GRIK4: variants seen among roughly 807,000 people sequenced by gnomAD.
The protein encoded by GRIK4 is glutamate receptor ionotropic, kainate 4.
A neutral mutation model predicts 104.9 loss-of-function variants in GRIK4; 40 were observed. The observed-to-expected ratio is 0.38, with a 90% CI of 0.30 to 0.50. GRIK4 has a LOEUF of 0.50. Among genes scored for constraint, GRIK4 ranks in the 20% least tolerant of loss-of-function variants. GRIK4 has a pLI of 0.93. For missense variants in GRIK4, 1,047 were observed against 1,308.1 expected, an observed-to-expected ratio of 0.80 and a Z score of 3.08; for synonymous variants, 485 against 524.9, an observed-to-expected ratio of 0.92 and a Z score of 1.04.
intron 3 of GRIK4, among the ~76,000 whole-genome samples, chr11:120,737,762 G>C (rs1490912921): frequency 6.6e-6 from 1 of 152,084 alleles, no homozygotes; most frequent in Non-Finnish European, 1.5e-5. Flanking sequence ...TTGGAGAGGA[G>C]GTAGAGGCTA....
intron 3 of GRIK4, among the ~76,000 whole-genome samples, chr11:120,699,695 C>G (rs12293393): frequency 0.12 from 17,594 of 152,112 alleles, 1,104 homozygotes; most frequent in South Asian, 0.2. Context: ...GAAAACCTCT[C>G]TGAGAAAGTG....
intron 3 of GRIK4, among the ~76,000 whole-genome samples, chr11:120,662,864 A>G (rs1949841947): frequency 6.6e-6 from 1 of 152,118 alleles, no homozygotes; most frequent in Non-Finnish European, 1.5e-5. Context: ...TCTGCTGGTG[A>G]CAATATGGAT....
rs145378981 is a variant in GRIK4 at position 120,923,885 on chromosome 11, C to T, written c.1477-16462C>T. The stretch of plus-strand genomic sequence containing the variant: ...CTCTGATGGCTCTCTGGCCTAGTGT[C>T]AGATTCTGGTGGGTAGTTCATCCAC... On this transcript the variant is annotated intron_variant, in intron 13 of 20. Coordinates refer to ENST00000527524, the MANE Select transcript of GRIK4 (RefSeq NM_014619.5). 3.6e-3 allele frequency among the ~76,000 whole-genome samples: 545 copies of T among 152,292 alleles called. 4 individuals are homozygous for T. The highest frequency in any genetic ancestry group is 0.013 in the African/African-American group (528 of 41,566).
intron 8 of GRIK4, 137 bp downstream of exon 8, chr11:120,836,981 C>A: frequency 1.6e-6 from 1 of 611,996 alleles, no homozygotes; most frequent in Non-Finnish European, 2.9e-6. Context: ...ACCAGAGAGG[C>A]AGGGCGTCCT....
At chr11:120,663,253 T>C (rs1320717) in intron 3 of GRIK4, among the ~76,000 whole-genome samples, 8,819 of 152,226 alleles carry the variant, frequency 0.058, 874 homozygotes, top group African/African-American at 0.2. Flanking sequence ...TTGTCATTCT[T>C]AGATCCGGAA....
intron 3 of GRIK4, among the ~76,000 whole-genome samples, chr11:120,791,741 A>T (rs1238452975): frequency 2.0e-5 from 3 of 151,910 alleles, no homozygotes; most frequent in Non-Finnish European, 2.9e-5. Context: ...TCTATGGTCC[A>T]TTTTTTTTGT....
intron 1 of GRIK4, among the ~76,000 whole-genome samples, chr11:120,527,378 C>T (rs536594613): frequency 3.8e-4 from 58 of 152,304 alleles, no homozygotes; most frequent in African/African-American, 1.3e-3. Flanking sequence ...GGTGGGGACC[C>T]CGGAGCAGAT....
At chr11:120,584,390 G>A (rs1364565978) in intron 1 of GRIK4, among the ~76,000 whole-genome samples, 1 of 152,196 alleles carries the variant, frequency 6.6e-6, no homozygotes, top group Non-Finnish European at 1.5e-5. Context: ...TTTACAGGAA[G>A]CATGGTGCTG....
intron 1 of GRIK4, among the ~76,000 whole-genome samples, chr11:120,519,222 A>C (rs1319315026): frequency 6.6e-6 from 1 of 152,228 alleles, no homozygotes; most frequent in East Asian, 1.9e-4. Context: ...TACAATGCAA[A>C]GTACTTTCCA....
chr11:120,962,350 G>A (rs950888675), intron 17 of GRIK4, 106 bp from the exon 18 acceptor site: 9 of 688,832 alleles, frequency 1.3e-5, no homozygotes, highest in East Asian at 2.7e-5. Context: ...AGCGGGTGGA[G>A]AAGCAGAAGG....
At position 120,967,357 on chromosome 11, in the gene GRIK4, T is replaced by C. The variant is rs964739051; in HGVS notation, c.2395+34T>C. 1 of 1,586,570 alleles carries C rather than the reference T, an allele frequency of 6.3e-7. No homozygotes were observed. The highest frequency in any genetic ancestry group is 8.6e-7 in the Non-Finnish European group (1 of 1,166,440). The stretch of plus-strand genomic sequence containing the variant: ...GTTCAGGGCCATCCTCCTCCTGCCC[T>C]AGAGGACCAAAGTAGCTTGTTTCTC... On this transcript the variant is annotated intron_variant, in intron 19 of 20. Coordinates refer to ENST00000527524, the MANE Select transcript of GRIK4 (RefSeq NM_014619.5). The surrounding 1 kb of genome is among the most constrained non-coding windows in gnomAD (Gnocchi z 4.2).
At chr11:120,957,483 A>C (rs2134714282) in intron 16 of GRIK4, among the ~76,000 whole-genome samples, 1 of 152,264 alleles carries the variant, frequency 6.6e-6, no homozygotes, top group East Asian at 1.9e-4. Flanking sequence ...AGTTGAGCAA[A>C]TGATTCAATG....
chr11:120,613,621 G>T (rs1292213566), intron 1 of GRIK4, among the ~76,000 whole-genome samples: 1 of 152,206 alleles, frequency 6.6e-6, no homozygotes, highest in Non-Finnish European at 1.5e-5. Context: ...TGATGTGCAG[G>T]GATTCATGCC....
chr11:120,555,622 A>T lies in GRIK4; in HGVS notation c.-159+43735A>T, dbSNP rs1948179360. On this transcript the variant is annotated intron_variant, in intron 1 of 20. Transcript: ENST00000527524. This position sits in a 1 kb window ranked among gnomAD's most constrained non-coding sequence, Gnocchi z 5.3. ...TTCTGGGGAGTTTCTTATCTGGCAAATGGGACCGAGACACATCCAATGCCC... is the reference window on the plus strand; with the variant it reads ...TTCTGGGGAGTTTCTTATCTGGCAATTGGGACCGAGACACATCCAATGCCC... 6.6e-6 allele frequency among the ~76,000 whole-genome samples: 1 copy of T among 152,094 alleles called. No individual in the cohort carries two copies. Among genetic ancestry groups the T allele is most frequent in the South Asian group, 2.1e-4 (1 of 4,816 alleles).
At chr11:120,837,013 T>C (rs1372102035) in intron 8 of GRIK4, among the ~76,000 whole-genome samples, 169 bp downstream of exon 8, 2 of 152,130 alleles carry the variant, frequency 1.3e-5, no homozygotes, top group African/African-American at 4.8e-5. Context: ...TCCCAATAAT[T>C]CTGAGCCACA....
At chr11:120,977,339 C>CT (rs1281156952) in intron 19 of GRIK4, among the ~76,000 whole-genome samples, 1 of 152,206 alleles carries the variant, frequency 6.6e-6, no homozygotes, top group Non-Finnish European at 1.5e-5. Flanking sequence ...CCCAGTCCCC[C>CT]TTGCCATTGC....
intron 3 of GRIK4, among the ~76,000 whole-genome samples, chr11:120,743,822 G>A (rs1951382740): frequency 6.6e-6 from 1 of 152,178 alleles, no homozygotes; most frequent in African/African-American, 2.4e-5. Context: ...GGCCTCAATT[G>A]TCTTATTTAT....
chr11:120,740,213 C>G (rs1213932708), intron 3 of GRIK4, among the ~76,000 whole-genome samples: 1 of 152,336 alleles, frequency 6.6e-6, no homozygotes, highest in South Asian at 2.1e-4. Context: ...TGGCTGTACT[C>G]TACAATCGAC....
chr11:120,717,468 C>T (rs1318648026), intron 3 of GRIK4, among the ~76,000 whole-genome samples: 1 of 152,068 alleles, frequency 6.6e-6, no homozygotes, highest in African/African-American at 2.4e-5. Flanking sequence ...AGGATGGGCC[C>T]ACTATCTCCT....
Sources: allele counts gnomAD v4.1 joint callset (sites outside exome capture counted in the v4.1 genomes callset), GRCh38; gene constraint gnomAD v4.1.1; non-coding constraint Gnocchi (gnomAD v3.1); transcripts MANE v1.5; gene names NCBI Gene and HGNC (gene_info 2026-07-23, HGNC 2026-07-21).